The following DIAPH1 variants were observed in gnomAD, a reference collection of about 807,000 sequenced individuals.
The protein encoded by DIAPH1 is diaphanous related formin 1.
Under a neutral mutation model 140.7 loss-of-function variants are expected in DIAPH1, and 46 were observed. The observed-to-expected ratio is 0.33, with a 90% CI of 0.26 to 0.42. The LOEUF is 0.42. Ranked by LOEUF, DIAPH1 falls within the 10% of genes least tolerant of loss-of-function variation. DIAPH1 has a pLI of 1.00. For missense variants in DIAPH1, 1,310 were observed against 1,558.7 expected (o/e 0.84, Z 2.69); for synonymous variants, 565 against 551.6 (o/e 1.02, Z -0.34).
In DIAPH1 at chr5:141,579,699, T is replaced by A. The variant is rs997474302; in HGVS notation, c.825-503A>T. 2.6e-5 allele frequency among the ~76,000 whole-genome samples: 4 copies of A among 152,066 alleles called. No homozygotes were observed. In the East Asian group the frequency reaches 7.7e-4, roughly 29 times the overall value. The stretch of plus-strand genomic sequence containing the variant: ...GCGCAGTGGCTCACGCTTGTAATCC[T>A]AGCACTTTGGGAGGCCGAGGCGGGC... On this transcript the variant is annotated intron_variant, in intron 8 of 27. Coordinates refer to ENST00000389054, the MANE Select transcript of DIAPH1 (RefSeq NM_005219.5).
At chr5:141,582,059 CAAAAAAAAAAAA>C (rs70991705) in intron 7 of DIAPH1, 229 of 79,762 alleles carry the variant, frequency 2.9e-3, no homozygotes, top group Middle Eastern at 4.6e-3. Flanking sequence ...GACTCCATCT[CAAAAAAAAAAAA>C]AAAAAAAAAA....
At position 141,582,346 on chromosome 5, in the gene DIAPH1, A is replaced by G. The variant is rs2154596562; in HGVS notation, c.650T>C (p.Ile217Thr). 3.1e-6 allele frequency: 5 copies of G among 1,613,976 alleles called. No homozygotes were observed. The highest frequency in any genetic ancestry group is 4.2e-6 in the Non-Finnish European group (5 of 1,179,888). Residue 217 changes from isoleucine to threonine, a missense_variant, in exon 7 of 28, where the codon ATC becomes ACC. By Grantham distance (89) the Ile-to-Thr change is moderately conservative. This residue lies in a region of DIAPH1 where 377 missense variants were observed against 497.1 expected (regional missense o/e 0.76). Coordinates refer to ENST00000389054, the MANE Select transcript of DIAPH1 (RefSeq NM_005219.5). ...GSYDSRNKHE[I>T]IRCLKAFMNN... ...CATAAAAGCTTTCAAGCAGCGAATG[A>G]TCTCATGCTTGTTCCGGCTATCGTA... is the stretch of plus-strand genomic sequence containing the variant.
intron 18 of DIAPH1, among the ~76,000 whole-genome samples, chr5:141,536,798 A>G (rs2099889086): frequency 6.6e-6 from 1 of 152,168 alleles, no homozygotes; most frequent in Non-Finnish European, 1.5e-5. Context: ...AGGAGCAAAA[A>G]CGTCACTAAG....
At chr5:141,527,745 C>CTTACTAATA in intron 23 of DIAPH1, 48 bp from the exon 24 acceptor site, 1 of 1,518,982 alleles carries the variant, frequency 6.6e-7, no homozygotes, top group Non-Finnish European at 8.8e-7. Flanking sequence ...ACAGCAAGAG[C>CTTACTAATA]TTACTAATAA....
chr5:141,545,849 T>C (rs2099890716), intron 18 of DIAPH1, among the ~76,000 whole-genome samples: 1 of 152,188 alleles, frequency 6.6e-6, no homozygotes, highest in Admixed American at 6.5e-5. Flanking sequence ...TGTGTTCCAA[T>C]AAAACCTTAT....
chr5:141,574,604 CAG>C (rs1336138022), intron 15 of DIAPH1, among the ~76,000 whole-genome samples: 3 of 152,256 alleles, frequency 2.0e-5, no homozygotes, highest in South Asian at 2.1e-4. Flanking sequence ...TTTACTACTG[CAG>C]AGAGAGTGTG....
At chr5:141,528,053 T>C (rs749640354) in intron 23 of DIAPH1, among the ~76,000 whole-genome samples, 2 of 152,204 alleles carry the variant, frequency 1.3e-5, no homozygotes, top group Non-Finnish European at 2.9e-5. Context: ...GAGATATACA[T>C]AGAAATATAG....
chr5:141,559,292 A>G (rs1172412042), intron 18 of DIAPH1, among the ~76,000 whole-genome samples: 3 of 152,222 alleles, frequency 2.0e-5, no homozygotes, highest in African/African-American at 7.2e-5. Flanking sequence ...TAAGGTATAC[A>G]TTATAGAAGG....
chr5:141,567,123 G>A (rs2099894496), intron 18 of DIAPH1, among the ~76,000 whole-genome samples: 1 of 152,152 alleles, frequency 6.6e-6, no homozygotes, highest in Admixed American at 6.5e-5. Flanking sequence ...AACTATGGGA[G>A]ATGAAGGATG....
chr5:141,524,006 A>G (rs1384576953), intron 27 of DIAPH1, 137 bp downstream of exon 27: 3 of 798,242 alleles, frequency 3.8e-6, no homozygotes, highest in Non-Finnish European at 6.7e-6. Context: ...GAAGAAGAGG[A>G]CTAGATAATC....
intron 8 of DIAPH1, among the ~76,000 whole-genome samples, chr5:141,579,636 G>A (rs1409549105): frequency 1.3e-5 from 2 of 152,164 alleles, no homozygotes; most frequent in African/African-American, 4.8e-5. Flanking sequence ...AGAACAGATA[G>A]TGAAATCTGC....
At position 141,605,504 on chromosome 5, in the gene DIAPH1, T is replaced by C. The variant is rs942592174; in HGVS notation, c.117+13294A>G. ...ATCCAATTACCATAGGCAAAATGCC[T>C]ATCAGTATTTACTCTTCTCCAGTGG... On this transcript the variant is annotated intron_variant, in intron 1 of 27. Coordinates refer to ENST00000389054, the MANE Select transcript of DIAPH1 (RefSeq NM_005219.5). 3.5e-4 allele frequency among the ~76,000 whole-genome samples: 53 copies of C among 152,252 alleles called. 1 individual carries two copies.
Position 141,575,058 on chromosome 5 carries a change from T to C in DIAPH1, c.1550A>G (p.Gln517Arg), listed in dbSNP as rs1307570641. 1.2e-6 allele frequency: 2 copies of C among 1,614,196 alleles called. No homozygotes were observed. Among genetic ancestry groups the C allele is most frequent in the Non-Finnish European group, 1.7e-6 (2 of 1,180,016 alleles). The change falls in exon 15 of 28, where the codon CAG becomes CGG. Residue 517 changes from glutamine (Q) to arginine (R), a missense_variant. Physicochemically the swap from Gln to Arg is conservative, Grantham distance 43. Around this residue, in one of 3 missense-constraint regions of DIAPH1, gnomAD observed 589 missense variants for 549.3 expected, o/e 1.07. Coordinates refer to ENST00000389054, the MANE Select transcript of DIAPH1 (RefSeq NM_005219.5). ...AGAATGCAGTGCATCTTTTTCTCCC[T>C]GAAGATCTTGAAGCTTCTGCTCAAA... The part of the protein sequence containing the change: ...SDFEQKLQDL[Q>R]GEKDALHSEK...
rs369070737 is a variant in DIAPH1 at position 141,529,645 on chromosome 5, G to T, written c.2634C>A (p.Ile878=). 1 of 1,613,998 alleles carries T rather than the reference G, an allele frequency of 6.2e-7. No individual in the cohort carries two copies. The highest frequency in any genetic ancestry group is 1.3e-5 in the African/African-American group (1 of 74,904). Residue 878 remains isoleucine (I), a synonymous_variant, in exon 20 of 28, where the codon ATC becomes ATA. Transcript: ENST00000389054. ...TCAGAACAGCCTCATTCACCTCCAG[G>T]ATGACATTCTTAATCTCTTGATAGG... ...RMPYQEIKNV[I]LEVNEAVLTE...
At chr5:141,563,565 G>GT (rs1372338432) in intron 18 of DIAPH1, 1 of 152,108 alleles carries the variant, frequency 6.6e-6, no homozygotes, top group African/African-American at 2.4e-5. Context: ...GATGTTAGAA[G>GT]TTTAAGTAAT....
chr5:141,610,489 C>T (rs745833592), intron 1 of DIAPH1, among the ~76,000 whole-genome samples: 55 of 151,948 alleles, frequency 3.6e-4, no homozygotes, highest in South Asian at 1.2e-3. Context: ...TTAGTAGAGA[C>T]GGGGTTTCAC....
At chr5:141,555,815 C>T (rs2099892484) in intron 18 of DIAPH1, among the ~76,000 whole-genome samples, 1 of 152,160 alleles carries the variant, frequency 6.6e-6, no homozygotes, top group African/African-American at 2.4e-5. Context: ...TGCCAGGATC[C>T]GTATTTCTAG....
At position 141,594,900 on chromosome 5, in the gene DIAPH1, G is replaced by A. The variant is rs370442155; in HGVS notation, c.118-6650C>T. Reference sequence around the variant, plus strand: ...TAATAACAATACAAAAATTAGCTGGGCATGGTGGCGGGTGCCTGTAATCCC... The same window carrying A: ...TAATAACAATACAAAAATTAGCTGGACATGGTGGCGGGTGCCTGTAATCCC... On this transcript the variant is annotated intron_variant, in intron 1 of 27. Coordinates refer to ENST00000389054, the MANE Select transcript of DIAPH1 (RefSeq NM_005219.5). 1.4e-4 allele frequency among the ~76,000 whole-genome samples: 21 copies of A among 151,780 alleles called. No individual in the cohort carries two copies. In the East Asian group the frequency reaches 1.7e-3, roughly 13 times the overall value.
chr5:141,553,748 TAATAA>T (rs887029543), intron 18 of DIAPH1, among the ~76,000 whole-genome samples: 1 of 151,780 alleles, frequency 6.6e-6, no homozygotes, highest in Non-Finnish European at 1.5e-5. Context: ...AGAATAAGAA[TAATAA>T]AATAAACCAA....
Sources: gnomAD v4.1 joint callset for allele counts (sites outside exome capture counted in the v4.1 genomes callset) on GRCh38, gnomAD v4.1.1 for gene constraint, gnomAD v4.1.1 regional missense constraint, MANE v1.5 for transcripts, NCBI Gene and HGNC (gene_info 2026-07-23, HGNC 2026-07-21) for gene names.